CDHR3: variants seen among roughly 807,000 people sequenced by gnomAD.
CDHR3 encodes cadherin related family member 3, also known as cadherin-related family member 3.
Under a neutral mutation model 86.6 loss-of-function variants are expected in CDHR3, and 79 were observed. The observed-to-expected ratio is 0.91, with a 90% confidence interval of 0.76 to 1.10. The LOEUF (loss-of-function observed/expected upper bound fraction) is 1.10, where lower values mean the gene tolerates loss of function less well. Ranked by LOEUF, CDHR3 falls within the 50% of genes least tolerant of loss-of-function variation. The pLI is 0.00. For synonymous variants in CDHR3, 421 were observed against 402.4 expected (o/e 1.05, Z -0.55); for missense variants, 1,081 against 1,077.6 (o/e 1.00, Z -0.04).
chr7:105,994,927 T>TG, intron 5 of CDHR3, 82 bp downstream of exon 5: 1 of 1,123,608 alleles, frequency 8.9e-7, no homozygotes, highest in Non-Finnish European at 1.3e-6. Flanking sequence ...CAGTGCAACC[T>TG]GAGGGCAGCT....
At chr7:105,973,925 C>T (rs149644338) in intron 1 of CDHR3, among the ~76,000 whole-genome samples, 1 of 152,254 alleles carries the variant, frequency 6.6e-6, no homozygotes, top group East Asian at 1.9e-4. Context: ...CAAGATCTCA[C>T]CAGCCTGGGT....
chr7:106,023,525 G>C (rs551045733), intron 14 of CDHR3, among the ~76,000 whole-genome samples: 95 of 152,216 alleles, frequency 6.2e-4, no homozygotes, highest in African/African-American at 2.2e-3. Context: ...TGACTCATCT[G>C]TCCCCTTTCT....
At position 106,032,787 on chromosome 7, in the gene CDHR3, A is replaced by G. The variant is rs1299366998; in HGVS notation, c.*90A>G. On this transcript the variant is annotated 3_prime_UTR_variant, in exon 19 of 19. Coordinates refer to ENST00000317716, the MANE Select transcript of CDHR3 (RefSeq NM_152750.5). ...GGTGTGGGCATGGTGTAGGGGGGAAAATGTGGGCTGAGGGGATTCAGACAT... is the reference window on the plus strand; with the variant it reads ...GGTGTGGGCATGGTGTAGGGGGGAAGATGTGGGCTGAGGGGATTCAGACAT... The G allele has an allele frequency of 1.5e-6, 2 of 1,360,600 alleles. No homozygotes were observed. Among genetic ancestry groups the G allele is most frequent in the East Asian group, 2.5e-5 (1 of 39,730 alleles). The allele number at this position is 1,360,600 out of a possible 1,614,324, so 84.3% of individuals were successfully genotyped here.
intron 8 of CDHR3, among the ~76,000 whole-genome samples, chr7:106,009,783 C>T (rs181437875): frequency 3.2e-4 from 49 of 152,340 alleles, no homozygotes; most frequent in Middle Eastern, 6.8e-3. Context: ...ACGTGACAAC[C>T]CCCGCTCTGG....
intron 14 of CDHR3, among the ~76,000 whole-genome samples, chr7:106,023,424 C>T (rs1219492148): frequency 2.0e-5 from 3 of 152,184 alleles, no homozygotes; most frequent in Non-Finnish European, 4.4e-5. Context: ...GGTGCTATCA[C>T]AGAATTGGCC....
rs76871421 is a variant in CDHR3, at chr7:106,035,698, T to C, written c.*3001T>C. ...TGGAAATGAAGTAGTGGACCACAAT[T>C]GGTCTGATTGGTTGCAGGAAGCAAC... On this transcript the variant is annotated 3_prime_UTR_variant, in exon 19 of 19. Transcript: ENST00000317716. The C allele has an allele frequency of 0.11, 16,027 of 152,070 alleles. 1,076 individuals carry two copies. The highest frequency in any genetic ancestry group is 0.18 in the Middle Eastern group (52 of 294). 9.4% of individuals were successfully genotyped at this position (152,070 alleles called of 1,614,324 possible).
intron 6 of CDHR3, among the ~76,000 whole-genome samples, chr7:105,998,038 G>A (rs1293866434): frequency 2.6e-5 from 4 of 152,206 alleles, no homozygotes; most frequent in Admixed American, 1.3e-4. Flanking sequence ...AAGAAGGAGT[G>A]GGGGCAGGGT....
At chr7:105,999,165 C>A (rs1832735040) in intron 6 of CDHR3, among the ~76,000 whole-genome samples, 1 of 152,244 alleles carries the variant, frequency 6.6e-6, no homozygotes, top group African/African-American at 2.4e-5. Flanking sequence ...TGGCACCTAG[C>A]TTCACTGTGC....
At chr7:106,016,575 C>T (rs1365583365) in intron 11 of CDHR3, among the ~76,000 whole-genome samples, 2 of 152,150 alleles carry the variant, frequency 1.3e-5, no homozygotes, top group African/African-American at 2.4e-5. Flanking sequence ...GCCTCCCTCT[C>T]GCTCTCTCAG....
At chr7:105,994,686 C>A in intron 4 of CDHR3, 65 bp from the exon 5 acceptor site, 1 of 1,071,836 alleles carries the variant, frequency 9.3e-7, no homozygotes, top group Non-Finnish European at 1.4e-6. Flanking sequence ...AATGAGCACA[C>A]ACATCTTCTG....
At chr7:106,012,004 G>A (rs1279148011) in intron 8 of CDHR3, among the ~76,000 whole-genome samples, 2 of 152,220 alleles carry the variant, frequency 1.3e-5, no homozygotes, top group African/African-American at 2.4e-5. Context: ...TGGGAAATGA[G>A]GGGTACAGGG....
chr7:106,007,380 C>T (rs561574723), intron 8 of CDHR3, among the ~76,000 whole-genome samples: 11 of 152,214 alleles, frequency 7.2e-5, no homozygotes, highest in Non-Finnish European at 1.0e-4. Context: ...TCCTTTCTAT[C>T]GCATTGTCAG....
At chr7:105,969,550 C>G (rs1827608909) in intron 1 of CDHR3, among the ~76,000 whole-genome samples, 1 of 152,110 alleles carries the variant, frequency 6.6e-6, no homozygotes, top group African/African-American at 2.4e-5. Flanking sequence ...GTGGGTTCTG[C>G]CGTTGAGGCC....
intron 1 of CDHR3, among the ~76,000 whole-genome samples, chr7:105,967,737 G>A (rs1827203028): frequency 6.6e-6 from 1 of 152,162 alleles, no homozygotes; most frequent in South Asian, 2.1e-4. Context: ...GTGTCTGTTG[G>A]CTGCATAAAT....
rs1490864986 is a variant in CDHR3 at position 106,034,658 on chromosome 7, G to A, written c.*1961G>A. Among the ~76,000 whole-genome samples, 2 of 152,220 alleles carry A rather than the reference G, an allele frequency of 1.3e-5. No homozygotes were observed. The highest frequency in any genetic ancestry group is 6.5e-5 in the Admixed American group (1 of 15,284). Reference sequence around the variant, plus strand: ...GTGAAGTGGCTGATTGCCCATTTAAGGCATTGCAAATCTGTGGGGCCCGGA... The same window carrying A: ...GTGAAGTGGCTGATTGCCCATTTAAAGCATTGCAAATCTGTGGGGCCCGGA... On this transcript the variant is annotated 3_prime_UTR_variant, in exon 19 of 19. Coordinates refer to ENST00000317716, the MANE Select transcript of CDHR3 (RefSeq NM_152750.5).
chr7:106,026,672 C>T lies in CDHR3; in HGVS notation c.2259-10C>T. The T allele has an allele frequency of 6.2e-7, 1 of 1,613,266 alleles. No individual in the cohort carries two copies. The highest frequency in any genetic ancestry group is 1.1e-5 in the South Asian group (1 of 91,064). On this transcript the variant is annotated splice_polypyrimidine_tract_variant and intron_variant, in intron 15 of 18. Transcript: ENST00000317716. Reference sequence around the variant, plus strand: ...AAGTGAATTAATAGCCATTCTTTTTCCCCCCATAGGACAAAGAAAGGAGGT... The same window carrying T: ...AAGTGAATTAATAGCCATTCTTTTTTCCCCCATAGGACAAAGAAAGGAGGT...
At chr7:105,963,553 G>C (rs1395864620) in intron 1 of CDHR3, among the ~76,000 whole-genome samples, 189 bp downstream of exon 1, 1 of 152,230 alleles carries the variant, frequency 6.6e-6, no homozygotes, top group East Asian at 1.9e-4. Context: ...CCCTGGAAAA[G>C]AGAGATGCTT....
rs76621939 is a variant in CDHR3 at position 106,014,884 on chromosome 7, C to T, written c.1225-227C>T. Among the ~76,000 whole-genome samples the T allele has an allele frequency of 3.7e-3, 558 of 152,316 alleles. 4 individuals carry two copies. The highest frequency in any genetic ancestry group is 0.013 in the African/African-American group (538 of 41,562). ...TTGAGCAATAGTGCTTAATGAACAT[C>T]TTTGTACATAGATTCTGTCTCCTGG... is the stretch of plus-strand genomic sequence containing the variant. On this transcript the variant is annotated intron_variant, in intron 9 of 18. Coordinates refer to ENST00000317716, the MANE Select transcript of CDHR3 (RefSeq NM_152750.5).
At chr7:105,975,932 T>G (rs1276709084) in intron 2 of CDHR3, among the ~76,000 whole-genome samples, 1 of 152,194 alleles carries the variant, frequency 6.6e-6, no homozygotes, top group East Asian at 1.9e-4. Flanking sequence ...AGGAGAGCTT[T>G]GAAAAAGCAT....
Sources: gnomAD v4.1 joint callset for allele counts (sites outside exome capture counted in the v4.1 genomes callset) on GRCh38, gnomAD v4.1.1 for gene constraint, MANE v1.5 for transcripts, NCBI Gene and HGNC (gene_info 2026-07-23, HGNC 2026-07-21) for gene names.